CNBD1: variants seen among roughly 807,000 people sequenced by gnomAD.
CNBD1 encodes the protein cyclic nucleotide-binding domain-containing protein 1.
A neutral mutation model predicts 54.4 loss-of-function variants in CNBD1; 71 were observed. That is an observed-to-expected ratio of 1.30 (90% confidence interval 1.08 to 1.59). The LOEUF (loss-of-function observed/expected upper bound fraction) is 1.59, where lower values mean the gene tolerates loss of function less well. Ranked by LOEUF, CNBD1 falls within the 40% of genes most tolerant of loss-of-function variation. The pLI, the probability that CNBD1 is intolerant of heterozygous loss-of-function variation, is 0.00. For missense variants in CNBD1, 659 were observed against 518.0 expected, an observed-to-expected ratio of 1.27 and a Z score of -2.64; for synonymous variants, 182 against 170.7, an observed-to-expected ratio of 1.07 and a Z score of -0.51.
intron 4 of CNBD1, among the ~76,000 whole-genome samples, chr8:87,103,581 C>G (rs1021664982): frequency 1.1e-4 from 16 of 152,274 alleles, no homozygotes; most frequent in African/African-American, 3.1e-4. Flanking sequence ...CACATGGCAG[C>G]AGCAAGGAAA....
Position 86,999,708 on chromosome 8 carries a change from A to G in CNBD1, c.431+59954A>G, listed in dbSNP as rs536528814. 3.9e-5 allele frequency among the ~76,000 whole-genome samples: 6 copies of G among 152,356 alleles called. No individual in the cohort carries two copies. The East Asian group carries it at 1.2e-3, about 29-fold the overall frequency. ...TTTCCTCAAACTTCAGAGGATACAT[A>G]TAAAACTCTAAAGTTTATCTTTTGA... On this transcript the variant is annotated intron_variant, in intron 4 of 10. Transcript: ENST00000518476.
chr8:87,340,003 C>A (rs557597194), intron 8 of CNBD1, among the ~76,000 whole-genome samples: 2 of 152,136 alleles, frequency 1.3e-5, no homozygotes, highest in East Asian at 3.9e-4. Context: ...CATATGCTTT[C>A]ATGTTGTGGT....
At chr8:87,187,123 C>G (rs1394103719) in intron 4 of CNBD1, among the ~76,000 whole-genome samples, 1 of 126,736 alleles carries the variant, frequency 7.9e-6, no homozygotes, top group Non-Finnish European at 1.9e-5. Flanking sequence ...TTTTAAAAAT[C>G]AATCTCCAAA....
intron 4 of CNBD1, among the ~76,000 whole-genome samples, chr8:87,103,573 C>T (rs1404763512): frequency 6.6e-6 from 1 of 152,186 alleles, no homozygotes; most frequent in African/African-American, 2.4e-5. Context: ...TCCTTCTTCA[C>T]ATGGCAGCAG....
chr8:87,056,777 T>G (rs1810424877), intron 4 of CNBD1, among the ~76,000 whole-genome samples: 1 of 152,126 alleles, frequency 6.6e-6, no homozygotes, highest in Admixed American at 6.5e-5. Context: ...TAGAATTTTT[T>G]TTTACCAAAT....
chr8:86,932,690 A>G (rs1809476993), intron 3 of CNBD1, among the ~76,000 whole-genome samples: 4 of 150,884 alleles, frequency 2.7e-5, no homozygotes, highest in African/African-American at 7.4e-5. Context: ...GGGCCAGGCC[A>G]TAGTGCAGAA....
intron 8 of CNBD1, among the ~76,000 whole-genome samples, chr8:87,302,835 A>G (rs1809039974): frequency 6.6e-6 from 1 of 152,082 alleles, no homozygotes; most frequent in Non-Finnish European, 1.5e-5. Flanking sequence ...ATTCTTATAC[A>G]CCAGCAACAG....
chr8:87,241,876 A>AT (rs902936065), intron 6 of CNBD1, among the ~76,000 whole-genome samples: 8 of 152,314 alleles, frequency 5.3e-5, no homozygotes, highest in Admixed American at 1.3e-4. Flanking sequence ...TTGTAAGTGT[A>AT]TAAGTTGGGG....
intron 4 of CNBD1, among the ~76,000 whole-genome samples, chr8:87,165,282 G>C (rs757114455): frequency 4.0e-5 from 6 of 151,840 alleles, no homozygotes; most frequent in Non-Finnish European, 7.4e-5. Context: ...CATTTGGTCT[G>C]TAATGTTCAA....
At chr8:87,009,024 T>G (rs1018856174) in intron 4 of CNBD1, among the ~76,000 whole-genome samples, 47 of 152,172 alleles carry the variant, frequency 3.1e-4, no homozygotes, top group African/African-American at 1.1e-3. Flanking sequence ...TTATTTGAAC[T>G]ACCATTATTG....
chr8:86,957,009 T>C (rs535032747), intron 4 of CNBD1, among the ~76,000 whole-genome samples: 2 of 152,330 alleles, frequency 1.3e-5, no homozygotes, highest in East Asian at 3.9e-4. Context: ...GTCCCATCAA[T>C]ACCTAGTTTA....
intron 8 of CNBD1, among the ~76,000 whole-genome samples, chr8:87,321,178 T>C (rs1454519077): frequency 6.9e-6 from 1 of 145,812 alleles, no homozygotes; most frequent in Non-Finnish European, 1.5e-5. Flanking sequence ...ATTTCAATTC[T>C]TTTGAATAAA....
intron 4 of CNBD1, among the ~76,000 whole-genome samples, chr8:87,190,903 A>G (rs1813594766): frequency 6.7e-6 from 1 of 149,200 alleles, no homozygotes; most frequent in Admixed American, 6.7e-5. Flanking sequence ...CTATTTAGAT[A>G]TAGGTACATG....
intron 7 of CNBD1, among the ~76,000 whole-genome samples, chr8:87,286,327 G>T (rs1197673167): frequency 6.6e-6 from 1 of 152,040 alleles, no homozygotes; most frequent in African/African-American, 2.4e-5. Context: ...TGAAAGGTGA[G>T]CAAATATAAT....
At chr8:86,885,576 T>G (rs1400331509) in intron 1 of CNBD1, among the ~76,000 whole-genome samples, 1 of 152,198 alleles carries the variant, frequency 6.6e-6, no homozygotes, top group Non-Finnish European at 1.5e-5. Context: ...CTGTATTAAA[T>G]TTGATCACAA....
At chr8:87,135,653 TATATA>T (rs1308438378) in intron 4 of CNBD1, among the ~76,000 whole-genome samples, 1 of 148,260 alleles carries the variant, frequency 6.7e-6, no homozygotes, top group African/African-American at 2.5e-5. Flanking sequence ...ATATATCCTA[TATATA>T]ATATAATGCA....
At chr8:87,097,784 A>T (rs1327628898) in intron 4 of CNBD1, among the ~76,000 whole-genome samples, 1 of 152,160 alleles carries the variant, frequency 6.6e-6, no homozygotes. Context: ...AGTTTTTCAG[A>T]TTCCTGCAGT....
At chr8:87,344,745 A>T (rs1221954420) in intron 8 of CNBD1, among the ~76,000 whole-genome samples, 1 of 152,160 alleles carries the variant, frequency 6.6e-6, no homozygotes, top group Non-Finnish European at 1.5e-5. Flanking sequence ...GGTACAAGTG[A>T]GTGAATGCGT....
At chr8:87,300,745 G>A (rs1585993946) in intron 8 of CNBD1, among the ~76,000 whole-genome samples, 2 of 152,098 alleles carry the variant, frequency 1.3e-5, no homozygotes, top group African/African-American at 4.8e-5. Context: ...CCAATGTTTG[G>A]AGGGTGAAGG....
Sources: allele counts gnomAD v4.1 joint callset (sites outside exome capture counted in the v4.1 genomes callset), GRCh38; gene constraint gnomAD v4.1.1; transcripts MANE v1.5; gene names NCBI Gene and HGNC (gene_info 2026-07-23, HGNC 2026-07-21).